Variants in HS2ST1 observed in about 807,000 individuals in gnomAD.
HS2ST1 encodes 2-O-sulfotransferase.
HS2ST1 carries 18 observed loss-of-function variants against 42.9 expected under a neutral mutation model. That is an observed-to-expected ratio of 0.42 (90% CI 0.29 to 0.62). HS2ST1 has a LOEUF of 0.62. Ranked by LOEUF, HS2ST1 falls within the 20% of genes least tolerant of loss-of-function variation. The pLI is 0.21. For synonymous variants in HS2ST1, 146 were observed against 152.9 expected (o/e 0.95, Z 0.33); for missense variants, 334 against 433.8 (o/e 0.77, Z 2.04).
At chr1:87,018,820 A>G (rs962109879) in intron 1 of HS2ST1, among the ~76,000 whole-genome samples, 1 of 152,030 alleles carries the variant, frequency 6.6e-6, no homozygotes, top group Non-Finnish European at 1.5e-5. Context: ...TTAGTAGCCA[A>G]TCTCTGGTTA....
intron 1 of HS2ST1, among the ~76,000 whole-genome samples, chr1:87,015,238 G>A (rs1472593300): frequency 2.6e-5 from 4 of 151,974 alleles, no homozygotes; most frequent in Admixed American, 6.6e-5. Flanking sequence ...TAATAGAGAC[G>A]GGTTTCACCA....
intron 1 of HS2ST1, among the ~76,000 whole-genome samples, chr1:87,002,418 C>T (rs1020575220): frequency 2.6e-5 from 4 of 151,894 alleles, no homozygotes; most frequent in African/African-American, 9.7e-5. Context: ...TATGGTGACA[C>T]CCTGTCTTTA....
intron 1 of HS2ST1, among the ~76,000 whole-genome samples, chr1:86,963,863 G>T (rs1305512258): frequency 2.0e-5 from 3 of 147,766 alleles, no homozygotes; most frequent in Non-Finnish European, 4.5e-5. Flanking sequence ...CCCGGACGGG[G>T]TGGCTGGCCG....
intron 5 of HS2ST1, among the ~76,000 whole-genome samples, chr1:87,100,662 G>A (rs1652176178): frequency 1.3e-5 from 2 of 152,160 alleles, no homozygotes; most frequent in South Asian, 2.1e-4. Context: ...CAGTGGGAGT[G>A]GTTGCTCATG....
At chr1:86,963,376 G>T (rs917754817) in intron 1 of HS2ST1, among the ~76,000 whole-genome samples, 3 of 152,082 alleles carry the variant, frequency 2.0e-5, no homozygotes, top group African/African-American at 4.8e-5. Flanking sequence ...GGAGCATGCC[G>T]CCTTCAAGCA....
chr1:87,062,483 T>C (rs1399030472), intron 1 of HS2ST1, among the ~76,000 whole-genome samples: 1 of 152,190 alleles, frequency 6.6e-6, no homozygotes. Flanking sequence ...TCACTTACAA[T>C]GTAATTGTCT....
chr1:87,081,334 CA>C (rs905837632), intron 2 of HS2ST1, among the ~76,000 whole-genome samples: 27 of 150,644 alleles, frequency 1.8e-4, no homozygotes, highest in East Asian at 9.7e-4. Context: ...TTTAAAAGTT[CA>C]AAAAAAAATT....
chr1:87,104,949 C>T lies in HS2ST1; in HGVS notation c.*253C>T, dbSNP rs2100659132. 2.6e-6 allele frequency: 1 copy of T among 388,372 alleles called. No individual in the cohort carries two copies. The highest frequency in any genetic ancestry group is 4.8e-5 in the South Asian group (1 of 20,670). 24.1% of individuals were successfully genotyped at this position (388,372 alleles called of 1,614,324 possible). ...AACCTCCTGCCTGGGAGAAAATATA[C>T]ATCACCTAAAATGAACTTATGGCAG... On this transcript the variant is annotated 3_prime_UTR_variant, in exon 7 of 7. Transcript: ENST00000370550.
At chr1:86,961,430 G>C (rs1048689976) in intron 1 of HS2ST1, among the ~76,000 whole-genome samples, 2 of 151,928 alleles carry the variant, frequency 1.3e-5, no homozygotes, top group African/African-American at 4.8e-5. Context: ...AATGATTACC[G>C]GAAGGATAGT....
intron 1 of HS2ST1, among the ~76,000 whole-genome samples, chr1:86,985,248 G>A (rs1285807109): frequency 1.3e-5 from 2 of 149,612 alleles, no homozygotes; most frequent in Admixed American, 6.7e-5. Flanking sequence ...CCAGCTACTC[G>A]GGAGGCTGAG....
At chr1:87,011,823 T>C (rs1305392158) in intron 1 of HS2ST1, among the ~76,000 whole-genome samples, 1 of 152,238 alleles carries the variant, frequency 6.6e-6, no homozygotes, top group Admixed American at 6.5e-5. Flanking sequence ...GTCTAAGATA[T>C]GTACCTTGAG....
chr1:86,975,654 A>G (rs1053158096), intron 1 of HS2ST1, among the ~76,000 whole-genome samples: 3 of 152,280 alleles, frequency 2.0e-5, no homozygotes, highest in South Asian at 2.1e-4. Context: ...TATGTGTTCA[A>G]TTTAAATCTG....
intron 1 of HS2ST1, among the ~76,000 whole-genome samples, chr1:87,047,798 A>G (rs1650724257): frequency 6.6e-6 from 1 of 152,178 alleles, no homozygotes; most frequent in Admixed American, 6.5e-5. Flanking sequence ...ATTCTGTTCC[A>G]TTGATCTGGA....
In HS2ST1 at chr1:87,021,571, A is replaced by G. The variant is rs538202793; in HGVS notation, c.125-51363A>G. On this transcript the variant is annotated intron_variant, in intron 1 of 6. Transcript: ENST00000370550. The stretch of plus-strand genomic sequence containing the variant: ...ACTCTGTCATCCAGGGTGGAGTACA[A>G]TGGCACAATCACTACTCACTACAAC... Among the ~76,000 whole-genome samples the G allele has an allele frequency of 2.6e-5, 4 of 152,290 alleles. No homozygotes were observed. The South Asian group carries it at 8.3e-4, about 32-fold the overall frequency.
rs2100598111 is a variant in HS2ST1, at chr1:87,033,847, A to G, written c.125-39087A>G. On this transcript the variant is annotated intron_variant, in intron 1 of 6. Coordinates refer to ENST00000370550, the MANE Select transcript of HS2ST1 (RefSeq NM_012262.4). The stretch of plus-strand genomic sequence containing the variant: ...GCGTGAGCCACCGCCCCCGGCCTTA[A>G]AGTGGTAAATTTTTTAGTTTGCATA... 1.3e-5 allele frequency among the ~76,000 whole-genome samples: 2 copies of G among 152,230 alleles called. 1 individual carries two copies. Among genetic ancestry groups the G allele is most frequent in the South Asian group, 4.1e-4 (2 of 4,828 alleles).
chr1:87,070,836 T>C (rs1651384922), intron 1 of HS2ST1, among the ~76,000 whole-genome samples: 1 of 152,198 alleles, frequency 6.6e-6, no homozygotes, highest in South Asian at 2.1e-4. Context: ...TTTTAAATAT[T>C]GGTATCATCT....
intron 2 of HS2ST1, among the ~76,000 whole-genome samples, chr1:87,073,714 A>G (rs896150821): frequency 6.6e-6 from 1 of 152,204 alleles, no homozygotes; most frequent in Non-Finnish European, 1.5e-5. Flanking sequence ...AATTTTGTGA[A>G]ATGGTTTTAA....
chr1:87,056,141 T>C (rs1392605939), intron 1 of HS2ST1, among the ~76,000 whole-genome samples: 1 of 152,132 alleles, frequency 6.6e-6, no homozygotes, highest in South Asian at 2.1e-4. Context: ...ATCAGTACAG[T>C]CTTGAGGGAG....
intron 1 of HS2ST1, among the ~76,000 whole-genome samples, chr1:86,992,679 A>G (rs1648990280): frequency 6.6e-6 from 1 of 152,048 alleles, no homozygotes; most frequent in South Asian, 2.1e-4. Context: ...TGTTTCTTTT[A>G]TGCACCGTAT....
Sources: allele counts gnomAD v4.1 joint callset (sites outside exome capture counted in the v4.1 genomes callset), GRCh38; gene constraint gnomAD v4.1.1; transcripts MANE v1.5; gene names NCBI Gene and HGNC (gene_info 2026-07-23, HGNC 2026-07-21).